The following FAM120C variants were observed in gnomAD, a reference collection of about 807,000 sequenced individuals.
FAM120C encodes constitutive coactivator of PPAR-gamma-like protein 2.
A neutral mutation model predicts 71.2 loss-of-function variants in FAM120C; 14 were observed. The ratio of observed to expected loss-of-function variants is 0.20; its 90% CI spans 0.13 to 0.31. The LOEUF (loss-of-function observed/expected upper bound fraction) is 0.31, where lower values mean the gene tolerates loss of function less well. FAM120C is among the 10% of genes least tolerant of loss of function. The probability of loss-of-function intolerance (pLI) is 1.00; values close to 1 mark genes in which losing one functional copy is unlikely to be tolerated. For missense variants in FAM120C, 500 were observed against 879.0 expected (o/e 0.57, Z 5.45); for synonymous variants, 354 against 353.2 (o/e 1.00, Z -0.03).
intron 4 of FAM120C, 45 bp from the exon 5 acceptor site, chrX:54,136,635 T>C: frequency 1.1e-6 from 1 of 897,345 alleles, no homozygotes; most frequent in Non-Finnish European, 1.6e-6. Flanking sequence ...AACATGAGAG[T>C]GTTTTTTTAA....
At chrX:54,140,437 G>A (rs1400817182) in intron 4 of FAM120C, among the ~76,000 whole-genome samples, 3 of 107,997 alleles carry the variant, frequency 2.8e-5, no homozygotes, top group Non-Finnish European at 5.7e-5. Flanking sequence ...TGGCAAACAT[G>A]GTGATACCCC....
At chrX:54,130,884 G>C (rs1239954726) in intron 9 of FAM120C, among the ~76,000 whole-genome samples, 1 of 111,514 alleles carries the variant, frequency 9.0e-6, no homozygotes, top group Non-Finnish European at 1.9e-5. Flanking sequence ...TGCAGCTGTT[G>C]ACATTTATGG....
At chrX:54,094,083 C>CTTTTTTTT (rs35721972) in intron 10 of FAM120C, among the ~76,000 whole-genome samples, 7 of 61,456 alleles carry the variant, frequency 1.1e-4, no homozygotes, top group African/African-American at 4.4e-4. Context: ...TCCACGACTC[C>CTTTTTTTT]TTTTTTTTTT....
rs1210981330 is a variant in FAM120C, at chrX:54,072,308, A to T, written c.*725T>A. ...CTGTGCCACATCTTCTATTTTACAA[A>T]CAATGCACTGGTTGAGAGGCAGGAA... On this transcript the variant is annotated 3_prime_UTR_variant, in exon 16 of 16. Transcript: ENST00000375180. 9.1e-6 allele frequency: 1 copy of T among 109,880 alleles called. No individual in the cohort carries two copies. Among genetic ancestry groups the T allele is most frequent in the Non-Finnish European group, 1.9e-5 (1 of 52,685 alleles). 9.1% of individuals were successfully genotyped at this position (109,880 alleles called of 1,213,427 possible).
chrX:54,107,642 CCT>C (rs1204025527), intron 10 of FAM120C, among the ~76,000 whole-genome samples: 3 of 105,242 alleles, frequency 2.9e-5, no homozygotes, highest in Non-Finnish European at 3.9e-5. Context: ...GCCTCAGCCC[CCT>C]GAGTAGCTGG....
At chrX:54,171,428 C>G (rs1386785351) in intron 1 of FAM120C, 1 of 112,030 alleles carries the variant, frequency 8.9e-6, no homozygotes, top group Non-Finnish European at 1.9e-5. Context: ...AACACACACA[C>G]AGAAATGTAT....
chrX:54,075,797 CAAA>C (rs34032200), intron 15 of FAM120C, among the ~76,000 whole-genome samples: 3 of 44,702 alleles, frequency 6.7e-5, no homozygotes, highest in Admixed American at 3.1e-4. Context: ...GACTCTGTCT[CAAA>C]AAAAAAAAAA....
chrX:54,168,380 T>C (rs2067271078), intron 1 of FAM120C, among the ~76,000 whole-genome samples: 2 of 111,572 alleles, frequency 1.8e-5, no homozygotes, highest in Admixed American at 1.9e-4. Flanking sequence ...AGCAATCTTC[T>C]TACCTTGGCT....
chrX:54,108,638 T>C (rs1034343400), intron 10 of FAM120C, among the ~76,000 whole-genome samples: 1 of 110,508 alleles, frequency 9.0e-6, no homozygotes, highest in Non-Finnish European at 1.9e-5. Context: ...TATAAAAACG[T>C]AGTACATAAT....
Position 54,085,604 on chromosome X carries a change from AATGAG to A in FAM120C, c.2839+106_2839+110del. On this transcript the variant is annotated intron_variant, in intron 13 of 15. Coordinates refer to ENST00000375180, the MANE Select transcript of FAM120C (RefSeq NM_017848.6). The stretch of plus-strand genomic sequence containing the variant: ...CTCCGTCTAAAAAAAAAAAAAAGTC[AATGAG>A]ATGAGATATATGTGAAACTGTTGAT... 1.3e-5 allele frequency: 10 copies of A among 740,944 alleles called. No homozygotes were observed. In the South Asian group the frequency reaches 2.8e-4, roughly 21 times the overall value. 61.1% of individuals were successfully genotyped at this position (740,944 alleles called of 1,213,427 possible).
intron 10 of FAM120C, among the ~76,000 whole-genome samples, chrX:54,105,578 G>T (rs1324828704): frequency 2.7e-5 from 3 of 111,493 alleles, no homozygotes; most frequent in Non-Finnish European, 5.6e-5. Flanking sequence ...GCAAGAGAAA[G>T]AAATAAAGGG....
chrX:54,080,500 C>T (rs2066758790), intron 14 of FAM120C, among the ~76,000 whole-genome samples: 1 of 112,071 alleles, frequency 8.9e-6, no homozygotes, highest in Non-Finnish European at 1.9e-5. Context: ...AAGGCAAAAA[C>T]TCTTTCATTA....
chrX:54,146,058 C>T (rs1296261330), intron 4 of FAM120C, among the ~76,000 whole-genome samples: 2 of 109,585 alleles, frequency 1.8e-5, no homozygotes, highest in Non-Finnish European at 3.8e-5. Context: ...ATCGCAAGGA[C>T]AGAAAACCAT....
intron 1 of FAM120C, among the ~76,000 whole-genome samples, chrX:54,182,123 G>A (rs1327525197): frequency 1.8e-5 from 2 of 112,225 alleles, no homozygotes; most frequent in Non-Finnish European, 3.8e-5. Flanking sequence ...ATGTCAACTG[G>A]CAAAAGCAGG....
At chrX:54,139,105 A>G (rs1557131161) in intron 4 of FAM120C, among the ~76,000 whole-genome samples, 2 of 110,507 alleles carry the variant, frequency 1.8e-5, no homozygotes, top group African/African-American at 6.6e-5. Flanking sequence ...CATAGGGCAA[A>G]TTTTTAGAAG....
At chrX:54,163,800 G>T (rs1181839626) in intron 1 of FAM120C, among the ~76,000 whole-genome samples, 1 of 109,949 alleles carries the variant, frequency 9.1e-6, no homozygotes, top group Non-Finnish European at 1.9e-5. Flanking sequence ...AAGGTAATGA[G>T]ACCCCATGAA....
At chrX:54,124,994 A>C (rs2067018587) in intron 9 of FAM120C, among the ~76,000 whole-genome samples, 1 of 111,498 alleles carries the variant, frequency 9.0e-6, no homozygotes, top group Admixed American at 9.6e-5. Context: ...TATATAAAAG[A>C]AACAAAAAAC....
intron 8 of FAM120C, 32 bp from the exon 9 acceptor site, chrX:54,132,895 A>G (rs1557129663): frequency 8.8e-7 from 1 of 1,137,754 alleles, no homozygotes; most frequent in East Asian, 3.0e-5. Context: ...GAAAAGGAAA[A>G]AATGAGTTAC....
chrX:54,151,558 G>A (rs1281134571), intron 3 of FAM120C, among the ~76,000 whole-genome samples, 185 bp from the exon 4 acceptor site: 6 of 111,992 alleles, frequency 5.4e-5, no homozygotes, highest in Admixed American at 3.8e-4. Context: ...AGATGGAAAA[G>A]TATAAAGCAA....
Sources: allele counts gnomAD v4.1 joint callset (sites outside exome capture counted in the v4.1 genomes callset), GRCh38; gene constraint gnomAD v4.1.1; transcripts MANE v1.5; gene names NCBI Gene and HGNC (gene_info 2026-07-23, HGNC 2026-07-21).